The following CFAP20DC variants were observed in gnomAD, a reference collection of about 807,000 sequenced individuals.
CFAP20DC encodes CFAP20 domain containing.
CFAP20DC carries 84 observed loss-of-function variants against 101.7 expected under a neutral mutation model. That is an observed-to-expected ratio of 0.83 (90% CI 0.69 to 0.99). The LOEUF (loss-of-function observed/expected upper bound fraction) is 0.99. Ranked by LOEUF, CFAP20DC falls within the 50% of genes least tolerant of loss-of-function variation. The probability of loss-of-function intolerance (pLI) is 0.00; values close to 1 mark genes in which losing one functional copy is unlikely to be tolerated. For synonymous variants in CFAP20DC, 359 were observed against 351.2 expected, an observed-to-expected ratio of 1.02 and a Z score of -0.25; for missense variants, 1,007 against 970.3, an observed-to-expected ratio of 1.04 and a Z score of -0.50.
At chr3:58,741,175 T>C (rs940822394), downstream of CFAP20DC, among the ~76,000 whole-genome samples, 1 of 152,182 alleles carries the variant, frequency 6.6e-6, no homozygotes, top group Non-Finnish European at 1.5e-5. Flanking sequence ...TCTTCTTTAT[T>C]AAAAAATCTT....
chr3:58,853,234 A>G (rs1192852859), intron 12 of CFAP20DC, among the ~76,000 whole-genome samples: 1 of 152,226 alleles, frequency 6.6e-6, no homozygotes, highest in Admixed American at 6.5e-5. Context: ...GAAAATCTAG[A>G]AGAAATGGAT....
At chr3:59,027,182 G>A (rs2093908459) in intron 4 of CFAP20DC, among the ~76,000 whole-genome samples, 1 of 152,160 alleles carries the variant, frequency 6.6e-6, no homozygotes, top group Admixed American at 6.5e-5. Context: ...ACTCCATTCA[G>A]ATACAATTTC....
rs2108818969 is a variant in CFAP20DC at position 59,007,697 on chromosome 3, G to C, written c.278+31860C>G. Among the ~76,000 whole-genome samples the C allele has an allele frequency of 6.6e-6, 1 of 152,326 alleles. No individual in the cohort carries two copies. Among genetic ancestry groups the C allele is most frequent in the Non-Finnish European group, 1.5e-5 (1 of 68,034 alleles). On this transcript the variant is annotated intron_variant, in intron 4 of 16. Transcript: ENST00000482387. This position sits in a 1 kb window ranked among gnomAD's most constrained non-coding sequence, Gnocchi z 4.4. ...GACAGATCACATCACAGGACTCTTT[G>C]CAGACATTCCCCAGCAGCAGTCTGG...
chr3:58,787,639 G>A (rs1314132370), intron 15 of CFAP20DC, among the ~76,000 whole-genome samples: 2 of 152,014 alleles, frequency 1.3e-5, no homozygotes, highest in African/African-American at 4.8e-5. Context: ...TCCCATTACC[G>A]AGTATATACC....
chr3:58,895,412 G>C (rs2082590495), intron 6 of CFAP20DC, among the ~76,000 whole-genome samples: 1 of 152,130 alleles, frequency 6.6e-6, no homozygotes, highest in Non-Finnish European at 1.5e-5. Context: ...CACAAATCTA[G>C]GATATGGGCA....
At chr3:58,857,088 G>A (rs1219900774) in intron 12 of CFAP20DC, among the ~76,000 whole-genome samples, 7 of 152,124 alleles carry the variant, frequency 4.6e-5, no homozygotes, top group Non-Finnish European at 7.4e-5. Flanking sequence ...AGATACACAG[G>A]TAAGGACAGG....
intron 4 of CFAP20DC, among the ~76,000 whole-genome samples, chr3:58,948,514 T>C (rs2089662089): frequency 6.6e-6 from 1 of 152,244 alleles, no homozygotes; most frequent in African/African-American, 2.4e-5. Flanking sequence ...TTTTCCTTTG[T>C]TTTCACAGTT....
chr3:58,944,574 T>TAGA (rs1406403139), intron 4 of CFAP20DC, among the ~76,000 whole-genome samples: 26 of 152,192 alleles, frequency 1.7e-4, no homozygotes, highest in African/African-American at 5.1e-4. Context: ...AGTATAGACA[T>TAGA]CGTGCTAAGT....
intron 14 of CFAP20DC, among the ~76,000 whole-genome samples, chr3:58,825,538 A>AACACACAC (rs4020376): frequency 0.54 from 81,336 of 149,580 alleles, 22,990 homozygotes; most frequent in African/African-American, 0.73. Context: ...AAAAAAAGAA[A>AACACACAC]ACACACACAC....
intron 4 of CFAP20DC, among the ~76,000 whole-genome samples, chr3:59,032,417 C>T (rs2094012747): frequency 6.6e-6 from 1 of 152,164 alleles, no homozygotes; most frequent in Non-Finnish European, 1.5e-5. Context: ...AGATCCCACC[C>T]CTACAGAGTC....
At chr3:58,720,464 T>C (rs1010987018) in intron 3 of CFAP20DC, among the ~76,000 whole-genome samples, 1 of 152,164 alleles carries the variant, frequency 6.6e-6, no homozygotes, top group Non-Finnish European at 1.5e-5. Flanking sequence ...CTCCCTGGGC[T>C]CTAAGGGTCA....
intron 3 of CFAP20DC, among the ~76,000 whole-genome samples, chr3:58,718,326 A>C (rs1487711988): frequency 6.6e-6 from 1 of 152,154 alleles, no homozygotes; most frequent in African/African-American, 2.4e-5. Flanking sequence ...TTTGCTTCTG[A>C]CAAGATTGCT....
At chr3:58,884,795 TAA>T in intron 6 of CFAP20DC, 86 bp from the exon 7 acceptor site, 1 of 1,142,838 alleles carries the variant, frequency 8.8e-7, no homozygotes, top group South Asian at 1.5e-5. Flanking sequence ...CAATTAAAAT[TAA>T]AGATTTTAGC....
chr3:58,739,796 A>G (rs755290125), downstream of CFAP20DC, among the ~76,000 whole-genome samples: 20 of 152,244 alleles, frequency 1.3e-4, no homozygotes, highest in Non-Finnish European at 2.8e-4. Flanking sequence ...TGAATTTCCA[A>G]GTAAACTGGT....
At chr3:58,821,286 TGAC>T (rs2075622194) in intron 14 of CFAP20DC, among the ~76,000 whole-genome samples, 2 of 151,848 alleles carry the variant, frequency 1.3e-5, no homozygotes, top group Non-Finnish European at 2.9e-5. Context: ...AAGACAAAAT[TGAC>T]AAATGGGATC....
At chr3:59,027,785 C>A (rs2093919335) in intron 4 of CFAP20DC, among the ~76,000 whole-genome samples, 1 of 152,118 alleles carries the variant, frequency 6.6e-6, no homozygotes, top group East Asian at 1.9e-4. Flanking sequence ...ATGTCTGCCC[C>A]CAGGCTCTGA....
intron 7 of CFAP20DC, among the ~76,000 whole-genome samples, chr3:58,870,598 AAAAG>A (rs1225850215): frequency 2.0e-5 from 3 of 152,144 alleles, no homozygotes; most frequent in Non-Finnish European, 4.4e-5. Flanking sequence ...TTTAAAAAAA[AAAAG>A]AAAGGGCCGG....
chr3:58,878,939 C>T (rs562123167), intron 7 of CFAP20DC, among the ~76,000 whole-genome samples: 12 of 151,260 alleles, frequency 7.9e-5, no homozygotes, highest in South Asian at 2.1e-4. Context: ...ACCCGGGAGG[C>T]GGAGCTTGCA....
chr3:58,974,510 C>T (rs2092156766), intron 4 of CFAP20DC, among the ~76,000 whole-genome samples: 1 of 151,926 alleles, frequency 6.6e-6, no homozygotes, highest in Non-Finnish European at 1.5e-5. Flanking sequence ...GATGAGTGCA[C>T]CTGATAGCAT....
Sources: allele counts gnomAD v4.1 joint callset (sites outside exome capture counted in the v4.1 genomes callset), GRCh38; gene constraint gnomAD v4.1.1; non-coding constraint Gnocchi (gnomAD v3.1); transcripts MANE v1.5; gene names NCBI Gene and HGNC (gene_info 2026-07-23, HGNC 2026-07-21).